Variants in TTLL5 observed in about 807,000 individuals in gnomAD.
TTLL5 encodes the protein tubulin tyrosine ligase like 5.
A neutral mutation model predicts 168.4 loss-of-function variants in TTLL5; 132 were observed. The ratio of observed to expected loss-of-function variants is 0.78; its 90% CI spans 0.68 to 0.91. TTLL5 has a LOEUF of 0.91. Ranked by LOEUF, TTLL5 falls within the 40% of genes least tolerant of loss-of-function variation. The pLI is 0.00. For synonymous variants in TTLL5, 546 were observed against 558.6 expected (o/e 0.98, Z 0.32); for missense variants, 1,545 against 1,581.5 (o/e 0.98, Z 0.39).
chr14:75,759,070 T>C (rs1890465231), intron 18 of TTLL5, among the ~76,000 whole-genome samples: 1 of 152,138 alleles, frequency 6.6e-6, no homozygotes, highest in Admixed American at 6.5e-5. Context: ...CAAAGTGTGT[T>C]CATTGATAAG....
At chr14:75,820,519 G>GT (rs202170957) in intron 28 of TTLL5, 9 of 166,182 alleles carry the variant, frequency 5.4e-5, no homozygotes, top group South Asian at 2.0e-4. Flanking sequence ...GTTGTTTATA[G>GT]TTTTTTTTAT....
intron 29 of TTLL5, among the ~76,000 whole-genome samples, chr14:75,870,878 T>C (rs998824701): frequency 2.7e-5 from 4 of 150,332 alleles, no homozygotes; most frequent in Admixed American, 2.0e-4. Context: ...CACTGCAAGC[T>C]CCGCCTCCCA....
At chr14:75,779,191 AGTT>A (rs1246914146) in intron 23 of TTLL5, among the ~76,000 whole-genome samples, 1 of 152,192 alleles carries the variant, frequency 6.6e-6, no homozygotes, top group Non-Finnish European at 1.5e-5. Context: ...CACAGTGTGT[AGTT>A]GTTTGCCGCC....
intron 31 of TTLL5, 134 bp from the exon 32 acceptor site, chr14:75,954,290 G>C: frequency 1.3e-6 from 1 of 745,682 alleles, no homozygotes; most frequent in South Asian, 1.7e-5. Context: ...TTTCCACTTA[G>C]AGGTGAACTT....
intron 6 of TTLL5, among the ~76,000 whole-genome samples, chr14:75,695,501 C>A (rs891211937): frequency 6.6e-6 from 1 of 152,162 alleles, no homozygotes; most frequent in Admixed American, 6.5e-5. Flanking sequence ...ACACCCTATT[C>A]GTACACTCCC....
chr14:75,666,927 A>G (rs1362979720), intron 2 of TTLL5, among the ~76,000 whole-genome samples: 1 of 152,180 alleles, frequency 6.6e-6, no homozygotes, highest in Non-Finnish European at 1.5e-5. Flanking sequence ...ATAAAAGTGG[A>G]TTTTAATATG....
chr14:75,870,762 G>A (rs557508858), intron 29 of TTLL5, among the ~76,000 whole-genome samples: 1 of 151,656 alleles, frequency 6.6e-6, no homozygotes, highest in African/African-American at 2.4e-5. Flanking sequence ...TACCACAGAT[G>A]ACATGTTTGC....
chr14:75,836,495 G>A (rs117981953), intron 28 of TTLL5, among the ~76,000 whole-genome samples: 2,269 of 152,088 alleles, frequency 0.015, 18 homozygotes, highest in South Asian at 0.025. Context: ...AGCATACCAA[G>A]GTGACTGTAG....
At chr14:75,732,269 T>G (rs1888595537) in intron 12 of TTLL5, 69 bp from the exon 13 acceptor site, 1 of 1,391,630 alleles carries the variant, frequency 7.2e-7, no homozygotes, top group Non-Finnish European at 1.0e-6. Context: ...TGAGATTGAG[T>G]CTTCTAGATC....
intron 27 of TTLL5, among the ~76,000 whole-genome samples, chr14:75,798,305 C>T (rs1893101242): frequency 6.6e-6 from 1 of 151,928 alleles, no homozygotes; most frequent in South Asian, 2.1e-4. Flanking sequence ...TGCTTCCCTT[C>T]TAATTGAGTT....
chr14:75,775,846 GTTAATTC>G (rs1891695251), intron 22 of TTLL5, among the ~76,000 whole-genome samples: 1 of 152,184 alleles, frequency 6.6e-6, no homozygotes, highest in African/African-American at 2.4e-5. Context: ...AGTGGCCATA[GTTAATTC>G]TTAATTCTTA....
chr14:75,715,264 C>CTTTTT (rs1201985101), intron 9 of TTLL5, among the ~76,000 whole-genome samples: 16 of 130,944 alleles, frequency 1.2e-4, no homozygotes, highest in Non-Finnish European at 1.6e-4. Flanking sequence ...CACCATCTTC[C>CTTTTT]TTTTTTTTTT....
At position 75,863,785 on chromosome 14, in the gene TTLL5, C is replaced by T. The variant is rs1174217234; in HGVS notation, c.3445C>T (p.Gln1149Ter). The T allele has an allele frequency of 6.2e-7, 1 of 1,613,880 alleles. No homozygotes were observed. The highest frequency in any genetic ancestry group is 1.1e-5 in the South Asian group (1 of 91,052). ...CCCCACAGCAGGCAGCTATCAGCTT[C>T]AATTTGCCCTGCAGCAACTTGAACA... Reference protein sequence around the residue: ...YHPTAGSYQLQFALQQLEQQK... With the variant: ...YHPTAGSYQL The change falls in exon 29 of 32, where the codon CAA becomes TAA. Residue 1149 changes from glutamine to a stop codon, truncating the protein, a stop_gained. Transcript: ENST00000298832. LOFTEE classifies it high-confidence loss of function.
intron 12 of TTLL5, among the ~76,000 whole-genome samples, chr14:75,726,780 A>G (rs753056761): frequency 4.6e-5 from 7 of 152,224 alleles, no homozygotes; most frequent in Non-Finnish European, 1.0e-4. Context: ...CAGAATATAA[A>G]GAATTGACAA....
intron 27 of TTLL5, among the ~76,000 whole-genome samples, chr14:75,797,147 G>A (rs946632514): frequency 1.1e-4 from 17 of 151,928 alleles, no homozygotes; most frequent in African/African-American, 4.1e-4. Flanking sequence ...CCTTGGTTAG[G>A]TATATCCGTA....
intron 31 of TTLL5, among the ~76,000 whole-genome samples, chr14:75,928,874 G>A (rs112151223): frequency 0.011 from 1,724 of 152,238 alleles, 32 homozygotes; most frequent in African/African-American, 0.04. Context: ...TGCAGAAAGG[G>A]TGGGGGCAGG....
intron 6 of TTLL5, among the ~76,000 whole-genome samples, chr14:75,690,714 G>A (rs1046547128): frequency 6.6e-6 from 1 of 151,896 alleles, no homozygotes; most frequent in African/African-American, 2.4e-5. Flanking sequence ...CTGCTTCATG[G>A]GCTCAAGTGA....
chr14:75,886,503 C>T (rs556991454), intron 30 of TTLL5, among the ~76,000 whole-genome samples: 5 of 152,284 alleles, frequency 3.3e-5, no homozygotes, highest in African/African-American at 1.2e-4. Flanking sequence ...GCTTTCAAGC[C>T]ATTTTCCTCA....
chr14:75,699,302 C>G, intron 7 of TTLL5, 32 bp downstream of exon 7: 1 of 1,560,218 alleles, frequency 6.4e-7, no homozygotes, highest in Non-Finnish European at 8.8e-7. Context: ...AACCTCTCTC[C>G]TCACTTGTTC....
Sources: allele counts gnomAD v4.1 joint callset (sites outside exome capture counted in the v4.1 genomes callset), GRCh38; gene constraint gnomAD v4.1.1; transcripts MANE v1.5; gene names NCBI Gene and HGNC (gene_info 2026-07-23, HGNC 2026-07-21).